SDK1: variants seen among roughly 807,000 people sequenced by gnomAD.
The protein encoded by SDK1 is sidekick cell adhesion molecule 1.
A neutral mutation model predicts 245.5 loss-of-function variants in SDK1; 157 were observed. That is an observed-to-expected ratio of 0.64 (90% CI 0.56 to 0.73). The LOEUF (loss-of-function observed/expected upper bound fraction) is 0.73. SDK1 is among the 30% of genes least tolerant of loss of function. The pLI, the probability that SDK1 is intolerant of heterozygous loss-of-function variation, is 0.00. For missense variants in SDK1, 3,583 were observed against 3,002.3 expected, an observed-to-expected ratio of 1.19 and a Z score of -4.52; for synonymous variants, 1,647 against 1,278.5, an observed-to-expected ratio of 1.29 and a Z score of -6.15.
At position 3,974,356 on chromosome 7, in the gene SDK1, G is replaced by C. The variant is rs201249838; in HGVS notation, c.1818-13G>C. 3 of 1,607,050 alleles carry C rather than the reference G, an allele frequency of 1.9e-6. No individual in the cohort carries two copies. The highest frequency in any genetic ancestry group is 1.7e-4 in the Middle Eastern group (1 of 6,028). On this transcript the variant is annotated splice_polypyrimidine_tract_variant and intron_variant, in intron 12 of 44. Transcript: ENST00000404826. Reference sequence around the variant, plus strand: ...TGGGGTTTGTAACTCAAGACCCTTTGCTTGGCCCACAGCTACGTTTGGAAG... The same window carrying C: ...TGGGGTTTGTAACTCAAGACCCTTTCCTTGGCCCACAGCTACGTTTGGAAG...
intron 4 of SDK1, among the ~76,000 whole-genome samples, chr7:3,688,584 A>C (rs1457914377): frequency 6.6e-6 from 1 of 152,202 alleles, no homozygotes; most frequent in East Asian, 1.9e-4. Context: ...TCCAGAGACA[A>C]ATTTCGTCTT....
intron 1 of SDK1, among the ~76,000 whole-genome samples, chr7:3,604,507 A>C (rs911554696): frequency 2.6e-5 from 4 of 151,126 alleles, no homozygotes; most frequent in African/African-American, 9.7e-5. Flanking sequence ...CATCTCACAC[A>C]TATTTTGATA....
chr7:3,737,323 C>G (rs1002569277), intron 4 of SDK1, among the ~76,000 whole-genome samples: 1 of 152,222 alleles, frequency 6.6e-6, no homozygotes. Flanking sequence ...AGGCTGTGCT[C>G]TGCCGCTAGG....
chr7:3,484,486 G>T (rs1781616931), intron 1 of SDK1, among the ~76,000 whole-genome samples: 2 of 152,090 alleles, frequency 1.3e-5, no homozygotes, highest in South Asian at 4.1e-4. Context: ...TTTTCAGTTT[G>T]GTTGGAAAAA....
At chr7:3,367,975 T>G (rs1364035828) in intron 1 of SDK1, among the ~76,000 whole-genome samples, 1 of 152,236 alleles carries the variant, frequency 6.6e-6, no homozygotes, top group Non-Finnish European at 1.5e-5. Context: ...CTCTTCCCTG[T>G]AAGGATGAAC....
chr7:4,181,976 A>G (rs1180881129), intron 35 of SDK1, among the ~76,000 whole-genome samples: 1 of 151,952 alleles, frequency 6.6e-6, no homozygotes, highest in Non-Finnish European at 1.5e-5. Context: ...CTGGAGTGCA[A>G]TGGCATGATC....
At chr7:3,829,811 C>A (rs184410578) in intron 5 of SDK1, among the ~76,000 whole-genome samples, 8 of 152,308 alleles carry the variant, frequency 5.3e-5, no homozygotes, top group African/African-American at 1.9e-4. Context: ...GATCAACATT[C>A]ATTCCAGAGA....
chr7:3,670,959 C>G (rs962024515), intron 4 of SDK1, among the ~76,000 whole-genome samples: 2 of 152,194 alleles, frequency 1.3e-5, no homozygotes, highest in Non-Finnish European at 2.9e-5. Flanking sequence ...TTTGTTCTTA[C>G]AGCACATCCT....
Position 4,165,334 on chromosome 7 carries a change from G to T in SDK1, c.4800+3478G>T, listed in dbSNP as rs754465428. Among the ~76,000 whole-genome samples the T allele has an allele frequency of 2.0e-5, 3 of 152,208 alleles. No homozygotes were observed. In the East Asian group the frequency reaches 5.8e-4, roughly 29 times the overall value. Reference sequence around the variant, plus strand: ...AGATGGCACCATTGCACTCCAGCCTGGGCAACAACAGCAAAACCTTGTCTC... The same window carrying T: ...AGATGGCACCATTGCACTCCAGCCTTGGCAACAACAGCAAAACCTTGTCTC... On this transcript the variant is annotated intron_variant, in intron 32 of 44. Transcript: ENST00000404826.
chr7:4,168,251 C>G (rs1232680103), intron 32 of SDK1, among the ~76,000 whole-genome samples: 1 of 152,250 alleles, frequency 6.6e-6, no homozygotes, highest in Non-Finnish European at 1.5e-5. Context: ...AGACTCCTGC[C>G]AGGAGCGGAT....
intron 5 of SDK1, among the ~76,000 whole-genome samples, chr7:3,844,069 C>G (rs967652592): frequency 1.3e-5 from 2 of 152,150 alleles, no homozygotes; most frequent in African/African-American, 4.8e-5. Context: ...CTCCCGGGTT[C>G]AAGTGATTCT....
At chr7:3,656,485 G>C (rs576959730) in intron 4 of SDK1, among the ~76,000 whole-genome samples, 1 of 152,266 alleles carries the variant, frequency 6.6e-6, no homozygotes, top group East Asian at 1.9e-4. Context: ...AAAAGCAAAT[G>C]TACTTTGGAC....
chr7:4,225,939 A>G (rs542803401), intron 40 of SDK1, among the ~76,000 whole-genome samples: 1 of 146,324 alleles, frequency 6.8e-6, no homozygotes, highest in African/African-American at 2.4e-5. Context: ...GAACCCAAGC[A>G]GGCCGCGGGA....
intron 1 of SDK1, among the ~76,000 whole-genome samples, chr7:3,470,850 TA>T (rs1191361679): frequency 1.3e-5 from 2 of 152,210 alleles, no homozygotes; most frequent in African/African-American, 4.8e-5. Flanking sequence ...AAATTTCTAC[TA>T]TTATCATTTA....
intron 1 of SDK1, among the ~76,000 whole-genome samples, chr7:3,600,775 C>T (rs954467000): frequency 2.0e-5 from 3 of 151,970 alleles, no homozygotes; most frequent in African/African-American, 7.3e-5. Context: ...GTCTCGATCT[C>T]CTGACCTCAT....
At chr7:3,345,607 T>C (rs1780471160) in intron 1 of SDK1, among the ~76,000 whole-genome samples, 1 of 152,180 alleles carries the variant, frequency 6.6e-6, no homozygotes, top group African/African-American at 2.4e-5. Context: ...GATGGGAGTA[T>C]AGTAACATAT....
intron 14 of SDK1, among the ~76,000 whole-genome samples, chr7:4,006,861 C>T (rs1380920131): frequency 6.6e-6 from 1 of 152,208 alleles, no homozygotes; most frequent in Non-Finnish European, 1.5e-5. Flanking sequence ...GCTGTTTACA[C>T]TCGGAGTGAA....
At chr7:3,326,759 C>T (rs1056073425) in intron 1 of SDK1, among the ~76,000 whole-genome samples, 5 of 152,066 alleles carry the variant, frequency 3.3e-5, no homozygotes, top group African/African-American at 9.7e-5. Flanking sequence ...TAAGTAATTT[C>T]AACTCATGGC....
chr7:3,305,786 T>C (rs535150715), intron 1 of SDK1, among the ~76,000 whole-genome samples: 2 of 150,208 alleles, frequency 1.3e-5, no homozygotes, highest in Non-Finnish European at 2.9e-5. Context: ...TAAGCAGTTA[T>C]TACCCTCTAT....
Sources: allele counts gnomAD v4.1 joint callset (sites outside exome capture counted in the v4.1 genomes callset), GRCh38; gene constraint gnomAD v4.1.1; transcripts MANE v1.5; gene names NCBI Gene and HGNC (gene_info 2026-07-23, HGNC 2026-07-21).